CSMD3: variants seen among roughly 807,000 people sequenced by gnomAD.
CSMD3 encodes CUB and sushi domain-containing protein 3.
Under a neutral mutation model 435.2 loss-of-function variants are expected in CSMD3, and 177 were observed. That is an observed-to-expected ratio of 0.41 (90% confidence interval 0.36 to 0.46). The LOEUF (loss-of-function observed/expected upper bound fraction) is 0.46, where lower values mean the gene tolerates loss of function less well. CSMD3 is among the 20% of genes least tolerant of loss of function. CSMD3 has a pLI of 0.34. For synonymous variants in CSMD3, 1,656 were observed against 1,520.5 expected, an observed-to-expected ratio of 1.09 and a Z score of -2.07; for missense variants, 4,265 against 4,504.6, an observed-to-expected ratio of 0.95 and a Z score of 1.52.
chr8:113,423,287 A>C (rs1330179762), intron 1 of CSMD3, among the ~76,000 whole-genome samples: 1 of 152,048 alleles, frequency 6.6e-6, no homozygotes, highest in East Asian at 1.9e-4. Context: ...GATGAAATCT[A>C]ACTAATTAAC....
At chr8:112,537,004 T>C (rs2198364) in intron 27 of CSMD3, among the ~76,000 whole-genome samples, 128,671 of 151,626 alleles carry the variant, frequency 0.85, 54,882 homozygotes, top group African/African-American at 0.93. Flanking sequence ...GAACATCACA[T>C]TCTAGGGACC....
intron 23 of CSMD3, among the ~76,000 whole-genome samples, chr8:112,577,665 G>A (rs1335122143): frequency 6.6e-6 from 1 of 151,942 alleles, no homozygotes; most frequent in Non-Finnish European, 1.5e-5. Context: ...ACTTACACCA[G>A]AACAAACTAA....
intron 10 of CSMD3, among the ~76,000 whole-genome samples, chr8:112,913,028 CT>C (rs1260092135): frequency 6.6e-6 from 1 of 151,972 alleles, no homozygotes; most frequent in Non-Finnish European, 1.5e-5. Context: ...ACGGGGCTCC[CT>C]CAATCTGGTG....
intron 15 of CSMD3, 33 bp downstream of exon 15, chr8:112,685,373 T>G: frequency 6.5e-7 from 1 of 1,548,012 alleles, no homozygotes; most frequent in Non-Finnish European, 8.9e-7. Flanking sequence ...TAGAAATATA[T>G]TATATGGGAA....
At chr8:112,307,323 C>T (rs943244552) in intron 50 of CSMD3, among the ~76,000 whole-genome samples, 1 of 151,984 alleles carries the variant, frequency 6.6e-6, no homozygotes, top group Non-Finnish European at 1.5e-5. Flanking sequence ...ACTCTTTTTC[C>T]CAGGCTGGAG....
Position 112,666,234 on chromosome 8 carries a change from T to G in CSMD3, c.2816+43A>C, listed in dbSNP as rs544482140. ...CAAAAGAGAATGTCAACTAATCTTT[T>G]AGATAATATTTTCTTTAAAAGTAGG... On this transcript the variant is annotated intron_variant, in intron 17 of 70. Transcript: ENST00000297405. 4.2e-6 allele frequency: 6 copies of G among 1,418,044 alleles called. No homozygotes were observed. In the East Asian group the frequency reaches 1.4e-4, roughly 33 times the overall value. 87.8% of individuals were successfully genotyped at this position (1,418,044 alleles called of 1,614,324 possible).
chr8:112,596,678 A>T (rs1342053794), intron 22 of CSMD3, among the ~76,000 whole-genome samples: 1 of 152,104 alleles, frequency 6.6e-6, no homozygotes, highest in Non-Finnish European at 1.5e-5. Flanking sequence ...CTCAGACCAC[A>T]GTGCAATCAA....
Position 112,636,807 on chromosome 8 carries a change from G to A in CSMD3, c.3715+10C>T. 6.2e-7 allele frequency: 1 copy of A among 1,611,144 alleles called. No homozygotes were observed. The stretch of plus-strand genomic sequence containing the variant: ...CACATACAAGCAAATGAAAGCAGCT[G>A]ACCACGTACCCACACACCTTGGCAG... On this transcript the variant is annotated intron_variant, in intron 22 of 70. Coordinates refer to ENST00000297405, the MANE Select transcript of CSMD3 (RefSeq NM_198123.2).
chr8:113,319,030 T>C (rs935111815), intron 1 of CSMD3, among the ~76,000 whole-genome samples: 2 of 151,980 alleles, frequency 1.3e-5, no homozygotes, highest in Non-Finnish European at 2.9e-5. Flanking sequence ...TATTTTTACA[T>C]GGTGGTTCTT....
At chr8:113,088,840 C>T (rs913432573) in intron 5 of CSMD3, among the ~76,000 whole-genome samples, 57 of 151,618 alleles carry the variant, frequency 3.8e-4, no homozygotes, top group South Asian at 2.1e-3. Flanking sequence ...TGCACATGTA[C>T]CCTAAAACTT....
chr8:112,558,999 A>T (rs1245165580), intron 24 of CSMD3, among the ~76,000 whole-genome samples: 1 of 151,846 alleles, frequency 6.6e-6, no homozygotes, highest in Non-Finnish European at 1.5e-5. Flanking sequence ...AGAAATTCTC[A>T]CAGGAAAAAA....
At chr8:113,358,972 A>C (rs2094253179) in intron 1 of CSMD3, among the ~76,000 whole-genome samples, 1 of 152,148 alleles carries the variant, frequency 6.6e-6, no homozygotes, top group Non-Finnish European at 1.5e-5. Context: ...GTTAAAAAAT[A>C]TATATAGTAA....
chr8:113,428,319 C>T (rs2094649380), intron 1 of CSMD3, among the ~76,000 whole-genome samples: 1 of 151,384 alleles, frequency 6.6e-6, no homozygotes, highest in South Asian at 2.1e-4. Context: ...TTTTCAGGGC[C>T]TCAATGTTTC....
chr8:112,906,451 C>T (rs1468287478), intron 10 of CSMD3, among the ~76,000 whole-genome samples: 1 of 151,248 alleles, frequency 6.6e-6, no homozygotes, highest in Non-Finnish European at 1.5e-5. Flanking sequence ...AAAAAGCAAG[C>T]AAGCAACCAA....
At chr8:112,975,066 C>G (rs1484761989) in intron 7 of CSMD3, among the ~76,000 whole-genome samples, 4 of 151,656 alleles carry the variant, frequency 2.6e-5, no homozygotes, top group African/African-American at 7.3e-5. Flanking sequence ...CTAAACTTCT[C>G]TATGACACTT....
chr8:113,120,976 T>C (rs1329565046), intron 4 of CSMD3, among the ~76,000 whole-genome samples: 1 of 152,134 alleles, frequency 6.6e-6, no homozygotes, highest in Non-Finnish European at 1.5e-5. Context: ...TTCTAAATGG[T>C]TAATTTTAGC....
In CSMD3 at chr8:112,656,264, T is replaced by C. The variant is rs1209261691; in HGVS notation, c.2894A>G (p.Tyr965Cys). Residue 965 changes from tyrosine (Y) to cysteine (C), a missense_variant, in exon 18 of 71, where the codon TAC (tyrosine) becomes TGC (cysteine). Around this residue, in one of 3 missense-constraint regions of CSMD3, gnomAD observed 3,255 missense variants for 3,380.2 expected, o/e 0.96. Coordinates refer to ENST00000297405, the MANE Select transcript of CSMD3 (RefSeq NM_198123.2). ...AAACTGGGGCACTTGGGTGCCATTG[T>C]AAGATCCAAGCAAGGGTGACAGAAG... ...PNLLSPLLGSYNGTQVPQFLF... is the reference protein window; with the variant it reads ...PNLLSPLLGSCNGTQVPQFLF... The C allele has an allele frequency of 6.2e-7, 1 of 1,613,124 alleles. No homozygotes were observed. The highest frequency in any genetic ancestry group is 1.7e-5 in the Admixed American group (1 of 59,994).
At chr8:113,106,182 A>T (rs2131578973) in intron 4 of CSMD3, among the ~76,000 whole-genome samples, 1 of 152,228 alleles carries the variant, frequency 6.6e-6, no homozygotes, top group African/African-American at 2.4e-5. Flanking sequence ...TAGAGAATAT[A>T]TAACCACAGC....
chr8:113,178,789 T>A (rs1234658474), intron 3 of CSMD3, among the ~76,000 whole-genome samples: 3 of 151,844 alleles, frequency 2.0e-5, no homozygotes, highest in African/African-American at 7.2e-5. Flanking sequence ...TGAAGACAGG[T>A]TTCATGGAAA....
Sources: allele counts gnomAD v4.1 joint callset (sites outside exome capture counted in the v4.1 genomes callset), GRCh38; gene constraint gnomAD v4.1.1; regional missense constraint gnomAD v4.1.1; transcripts MANE v1.5; gene names NCBI Gene and HGNC (gene_info 2026-07-23, HGNC 2026-07-21).